Variants in ZNF148 observed in about 807,000 individuals in gnomAD.
ZNF148 encodes the protein Beta-Enolase Repressor Factor-1.
Under a neutral mutation model 67.7 loss-of-function variants are expected in ZNF148, and 7 were observed. The ratio of observed to expected loss-of-function variants is 0.10; its 90% CI spans 0.06 to 0.19. The LOEUF (loss-of-function observed/expected upper bound fraction) is 0.19, where lower values mean the gene tolerates loss of function less well. ZNF148 is among the 10% of genes least tolerant of loss of function. The pLI is 1.00. For missense variants in ZNF148, 583 were observed against 947.1 expected (o/e 0.62, Z 5.05); for synonymous variants, 333 against 330.7 (o/e 1.01, Z -0.08).
At chr3:125,257,610 CAG>C (rs1229109459) in intron 7 of ZNF148, among the ~76,000 whole-genome samples, 2 of 142,724 alleles carry the variant, frequency 1.4e-5, no homozygotes, top group Admixed American at 6.9e-5. Flanking sequence ...AGAGCACATA[CAG>C]GGGATTACGC....
At chr3:125,276,577 GC>G (rs1938085609) in intron 7 of ZNF148, among the ~76,000 whole-genome samples, 1 of 152,062 alleles carries the variant, frequency 6.6e-6, no homozygotes, top group Non-Finnish European at 1.5e-5. Flanking sequence ...GGGATTACAG[GC>G]ATGTGCTACC....
chr3:125,271,570 A>G (rs1937738848), intron 7 of ZNF148, among the ~76,000 whole-genome samples: 1 of 152,208 alleles, frequency 6.6e-6, no homozygotes, highest in South Asian at 2.1e-4. Context: ...GAAGAGCTAG[A>G]TTGTTATTTA....
chr3:125,362,440 T>C (rs747296101), intron 1 of ZNF148, among the ~76,000 whole-genome samples: 1 of 152,020 alleles, frequency 6.6e-6, no homozygotes, highest in Admixed American at 6.6e-5. Flanking sequence ...TAAACCACCA[T>C]GCACCCTGGT....
chr3:125,347,217 T>C (rs1188913873), intron 1 of ZNF148, among the ~76,000 whole-genome samples: 2 of 152,170 alleles, frequency 1.3e-5, no homozygotes, highest in African/African-American at 4.8e-5. Context: ...ACATCTAATG[T>C]TCATGGATTG....
chr3:125,374,006 G>T (rs1419496141), intron 1 of ZNF148, among the ~76,000 whole-genome samples: 2 of 152,288 alleles, frequency 1.3e-5, no homozygotes, highest in Non-Finnish European at 2.9e-5. Flanking sequence ...TCCAGCGTTT[G>T]CCAGGATAGT....
At chr3:125,266,821 A>G (rs1937541327) in intron 7 of ZNF148, among the ~76,000 whole-genome samples, 1 of 152,060 alleles carries the variant, frequency 6.6e-6, no homozygotes, top group South Asian at 2.1e-4. Context: ...TAGATTAACA[A>G]AGAAAAAGAT....
At chr3:125,375,035 C>G (rs966378347) in intron 1 of ZNF148, 67 bp downstream of exon 1, 5 of 151,474 alleles carry the variant, frequency 3.3e-5, no homozygotes, top group East Asian at 2.0e-4. Context: ...GCGCTCCCCC[C>G]GCGCGCCGCC....
At chr3:125,330,465 CAA>C (rs200643048) in intron 2 of ZNF148, among the ~76,000 whole-genome samples, 17 of 118,482 alleles carry the variant, frequency 1.4e-4, no homozygotes, top group African/African-American at 6.2e-4. Flanking sequence ...AACCCTATCT[CAA>C]AAAAAAAAAA....
intron 1 of ZNF148, among the ~76,000 whole-genome samples, chr3:125,346,896 G>A (rs889921722): frequency 1.4e-4 from 22 of 151,770 alleles, no homozygotes; most frequent in African/African-American, 5.3e-4. Context: ...TGAATTAAAT[G>A]GCATTAATAT....
chr3:125,309,685 C>CT, intron 4 of ZNF148, among the ~76,000 whole-genome samples: 1 of 152,270 alleles, frequency 6.6e-6, no homozygotes, highest in African/African-American at 2.4e-5. Context: ...AATGAGGAAC[C>CT]ACTGGGGAAG....
chr3:125,288,891 A>AT (rs1278537809), intron 4 of ZNF148, among the ~76,000 whole-genome samples: 6 of 152,218 alleles, frequency 3.9e-5, no homozygotes, highest in African/African-American at 1.4e-4. Context: ...TGCTAACTAC[A>AT]TAATAGAGAA....
intron 1 of ZNF148, among the ~76,000 whole-genome samples, chr3:125,337,016 C>CAAAAAAAAAA (rs1296364662): frequency 8.7e-6 from 1 of 115,378 alleles, no homozygotes. Flanking sequence ...TCTACTCTCA[C>CAAAAAAAAAA]AAAAAAAAAA....
rs1232426508 is a variant in ZNF148 at position 125,313,655 on chromosome 3, G to A, written c.-15C>T. On this transcript the variant is annotated splice_region_variant and 5_prime_UTR_variant, in exon 4 of 9. Coordinates refer to ENST00000360647, the MANE Select transcript of ZNF148 (RefSeq NM_021964.3). The stretch of plus-strand genomic sequence containing the variant: ...TCAATGTTCATGCTTAAGTATAACT[G>A]CCTAGAAAACCAAGTTTGGCAACAA... 2 of 1,587,254 alleles carry A rather than the reference G, an allele frequency of 1.3e-6. No homozygotes were observed. The highest frequency in any genetic ancestry group is 8.6e-7 in the Non-Finnish European group (1 of 1,161,834).
chr3:125,336,182 A>G (rs1359931342), intron 1 of ZNF148, among the ~76,000 whole-genome samples: 2 of 152,234 alleles, frequency 1.3e-5, no homozygotes, highest in Admixed American at 6.5e-5. Flanking sequence ...CCAAATAAAA[A>G]GGCTACCTCT....
intron 1 of ZNF148, among the ~76,000 whole-genome samples, chr3:125,360,121 G>A (rs1942490981): frequency 6.6e-6 from 1 of 152,044 alleles, no homozygotes; most frequent in Non-Finnish European, 1.5e-5. Context: ...TATTTTCTCT[G>A]CTGCAAGCTA....
At chr3:125,277,675 C>G (rs1273385838) in intron 7 of ZNF148, 51 bp downstream of exon 7, 9 of 1,509,456 alleles carry the variant, frequency 6.0e-6, no homozygotes, top group Admixed American at 1.9e-5. Context: ...ATTCTTCCCT[C>G]CATTTGAAAT....
At chr3:125,311,663 G>A (rs1940222168) in intron 4 of ZNF148, among the ~76,000 whole-genome samples, 1 of 151,602 alleles carries the variant, frequency 6.6e-6, no homozygotes, top group Non-Finnish European at 1.5e-5. Flanking sequence ...CAAAAAAAAG[G>A]GAATTGTTAA....
rs1935927921 is a variant in ZNF148 at position 125,233,064 on chromosome 3, T to G, written c.1662A>C (p.Gly554=). The change falls in exon 9 of 9, where the codon GGA becomes GGC. Residue 554 remains glycine, a synonymous_variant. Coordinates refer to ENST00000360647, the MANE Select transcript of ZNF148 (RefSeq NM_021964.3). The surrounding 1 kb of genome is among the most constrained non-coding windows in gnomAD (Gnocchi z 5.1). ...CAACACTGAAGGATATCTCATGCTG[T>G]CCATTAGCTTTGTGGGAATAATGAT... ...LLDHYSHKAN[G]QHEISFSVAD... is the part of the protein sequence containing the mutation. 1 of 1,613,404 alleles carries G rather than the reference T, an allele frequency of 6.2e-7. No homozygotes were observed. The highest frequency in any genetic ancestry group is 8.5e-7 in the Non-Finnish European group (1 of 1,179,854).
intron 4 of ZNF148, among the ~76,000 whole-genome samples, chr3:125,306,473 A>G (rs931984029): frequency 7.9e-5 from 12 of 152,186 alleles, no homozygotes; most frequent in African/African-American, 2.9e-4. Context: ...TCCTTAAAAC[A>G]ACAAAAGAAA....
Sources: allele counts gnomAD v4.1 joint callset (sites outside exome capture counted in the v4.1 genomes callset), GRCh38; gene constraint gnomAD v4.1.1; non-coding constraint Gnocchi (gnomAD v3.1); transcripts MANE v1.5; gene names NCBI Gene and HGNC (gene_info 2026-07-23, HGNC 2026-07-21).